The following ZBTB47 variants were observed in gnomAD, a reference collection of about 807,000 sequenced individuals.
ZBTB47 encodes the protein zinc finger and BTB domain-containing protein 47.
A neutral mutation model predicts 56.6 loss-of-function variants in ZBTB47; 24 were observed. The observed-to-expected ratio is 0.42, with a 90% CI of 0.31 to 0.60. The LOEUF (loss-of-function observed/expected upper bound fraction) is 0.60, where lower values mean the gene tolerates loss of function less well. ZBTB47 is among the 20% of genes least tolerant of loss of function. The pLI is 0.14. For synonymous variants in ZBTB47, 414 were observed against 418.9 expected, an observed-to-expected ratio of 0.99 and a Z score of 0.14; for missense variants, 829 against 1,032.6, an observed-to-expected ratio of 0.80 and a Z score of 2.70.
In ZBTB47 at chr3:42,666,190, G is replaced by C. The variant is rs1413331953; in HGVS notation, c.*1592G>C. Reference sequence around the variant, plus strand: ...GGCCCAAGGTGCCCGAGTGATCTGAGGATTTATAATCCAAGCCACACCACC... The same window carrying C: ...GGCCCAAGGTGCCCGAGTGATCTGACGATTTATAATCCAAGCCACACCACC... On this transcript the variant is annotated 3_prime_UTR_variant, in exon 6 of 6. Transcript: ENST00000232974. 6.6e-6 allele frequency among the ~76,000 whole-genome samples: 1 copy of C among 152,252 alleles called. No homozygotes were observed. Among genetic ancestry groups the C allele is most frequent in the Admixed American group, 6.5e-5 (1 of 15,288 alleles).
At chr3:42,658,016 C>T (rs934557379) in intron 1 of ZBTB47, among the ~76,000 whole-genome samples, 7 of 152,208 alleles carry the variant, frequency 4.6e-5, no homozygotes, top group Non-Finnish European at 1.0e-4. Flanking sequence ...TTCCCATTTC[C>T]CAGGAGATGA....
intron 1 of ZBTB47, 45 bp from the exon 2 acceptor site, chr3:42,658,230 G>C (rs1710660961): frequency 2.8e-6 from 4 of 1,435,456 alleles, no homozygotes; most frequent in Non-Finnish European, 3.6e-6. Context: ...GGGCGGGCAG[G>C]GGCCCACTGG....
rs545752417 is a variant in ZBTB47, at chr3:42,656,854, C to T, written c.-81-1421C>T. Among the ~76,000 whole-genome samples, 38 of 152,256 alleles carry T rather than the reference C, an allele frequency of 2.5e-4. No homozygotes were observed. Among genetic ancestry groups the T allele is most frequent in the African/African-American group, 8.2e-4 (34 of 41,548 alleles). ...GAAGGCCTGGCATGGGGAAGGGGGGCGGTAGGCTGTGGATGGATGGGGCCA... is the reference window on the plus strand; with the variant it reads ...GAAGGCCTGGCATGGGGAAGGGGGGTGGTAGGCTGTGGATGGATGGGGCCA... On this transcript the variant is annotated intron_variant, in intron 1 of 5. Transcript: ENST00000232974. The surrounding 1 kb of genome is among the most constrained non-coding windows in gnomAD (Gnocchi z 5.8).
Position 42,659,629 on chromosome 3 carries a change from G to A in ZBTB47, c.1274G>A (p.Gly425Glu), listed in dbSNP as rs371950953. 3.7e-5 allele frequency: 60 copies of A among 1,611,148 alleles called. No homozygotes were observed. The highest frequency in any genetic ancestry group is 4.9e-5 in the Non-Finnish European group (58 of 1,178,908). Residue 425 changes from glycine to glutamate, a missense_variant, in exon 2 of 6, where the codon GGG (glycine) becomes GAG (glutamate). Around this residue, in one of 6 missense-constraint regions of ZBTB47, gnomAD observed 187 missense variants for 253.1 expected, o/e 0.74. Transcript: ENST00000232974. ...GGGCCGCCAGCCACTGATGGGCTGGGGGCCAAGGTGAAGCTGGAGGAGAAG... is the reference window on the plus strand; with the variant it reads ...GGGCCGCCAGCCACTGATGGGCTGGAGGCCAAGGTGAAGCTGGAGGAGAAG... Reference protein sequence around the residue: ...ARGPPATDGLGAKVKLEEKQH... With the variant: ...ARGPPATDGLEAKVKLEEKQH...
At position 42,656,016 on chromosome 3, in the gene ZBTB47, G is replaced by A. The variant is rs1710637588; in HGVS notation, c.-82+2133G>A. 6.6e-6 allele frequency among the ~76,000 whole-genome samples: 1 copy of A among 152,232 alleles called. No individual in the cohort carries two copies. The highest frequency in any genetic ancestry group is 2.4e-5 in the African/African-American group (1 of 41,462). ...TGGGCAGTGGAGGGCATTCCATAAA[G>A]GGAGAGCAGAGAGATCTGGGGCTCT... On this transcript the variant is annotated intron_variant, in intron 1 of 5. Coordinates refer to ENST00000232974, the MANE Select transcript of ZBTB47 (RefSeq NM_145166.4). The surrounding 1 kb of genome is among the most constrained non-coding windows in gnomAD (Gnocchi z 5.8).
At chr3:42,661,340 C>A in intron 2 of ZBTB47, 145 bp from the exon 3 acceptor site, 1 of 858,212 alleles carries the variant, frequency 1.2e-6, no homozygotes, top group Non-Finnish European at 1.8e-6. Context: ...ACCTTAGAAA[C>A]ATCAGAGCTG....
chr3:42,655,138 C>T (rs1710625250), intron 1 of ZBTB47, among the ~76,000 whole-genome samples: 2 of 152,176 alleles, frequency 1.3e-5, no homozygotes, highest in African/African-American at 2.4e-5. Context: ...CCTGTGTGAC[C>T]TTGGGCAGAT....
intron 1 of ZBTB47, among the ~76,000 whole-genome samples, chr3:42,655,054 C>G (rs899134865): frequency 2.0e-5 from 3 of 152,060 alleles, no homozygotes. Context: ...GGCGCTGGAG[C>G]CGCCCTGCCT....
rs3733058 is a variant in ZBTB47, at chr3:42,659,786, G to A, written c.1431G>A (p.Glu477=). The A allele has an allele frequency of 4.7e-4, 763 of 1,613,198 alleles. 7 individuals carry two copies. The East Asian group carries it at 0.016, about 34-fold the overall frequency. ...QCGKRFLLES[E]LLLHRQTDCE... ...GCAAGCGCTTCCTGCTGGAGAGCGAGCTGCTGCTGCACAGGCAGACAGACT... is the reference window on the plus strand; with the variant it reads ...GCAAGCGCTTCCTGCTGGAGAGCGAACTGCTGCTGCACAGGCAGACAGACT... Residue 477 remains glutamate (E), a synonymous_variant, in exon 2 of 6, where the codon GAG becomes GAA. Coordinates refer to ENST00000232974, the MANE Select transcript of ZBTB47 (RefSeq NM_145166.4).
rs946264651 is a variant in ZBTB47, at chr3:42,664,570, C to T, written c.2216C>T (p.Pro739Leu). Residue 739 changes from proline (P) to leucine (L), a missense_variant, in exon 6 of 6, where the codon CCC (proline) becomes CTC (leucine). Around this residue, in one of 6 missense-constraint regions of ZBTB47, gnomAD observed 115 missense variants for 117.2 expected, o/e 0.98. Coordinates refer to ENST00000232974, the MANE Select transcript of ZBTB47 (RefSeq NM_145166.4). ...CCGCTCTTCCCCACCACTGCCAGCC[C>T]CGGCGGGAGGATGAACGCCAACAAC... ...PPPLFPTTAS[P>L]GGRMNANN is the part of the protein sequence containing the mutation. 2 of 1,418,816 alleles carry T rather than the reference C, an allele frequency of 1.4e-6. No individual in the cohort carries two copies. The highest frequency in any genetic ancestry group is 6.7e-5 in the Admixed American group (2 of 29,752). The allele number at this position is 1,418,816 out of a possible 1,614,324, so 87.9% of individuals were successfully genotyped here. A position where few individuals can be genotyped will look rare whatever the true frequency, so the allele number is the denominator to read the frequency against.
chr3:42,658,517 T>A lies in ZBTB47; in HGVS notation c.162T>A (p.Arg54=). ...TCACCCAGAACAAGCAGCTGCAGCG[T>A]GTGGAGCTGTCCCTGGAGGCACTGG... The part of the protein sequence containing the change: ...SLFTQNKQLQ[R]VELSLEALAP... Residue 54 remains arginine, a synonymous_variant, in exon 2 of 6, where the codon CGT becomes CGA. Transcript: ENST00000232974. The A allele has an allele frequency of 6.5e-7, 1 of 1,537,186 alleles. No homozygotes were observed. Among genetic ancestry groups the A allele is most frequent in the Middle Eastern group, 1.7e-4 (1 of 5,990 alleles).
In ZBTB47 at chr3:42,658,960, G is replaced by T; in HGVS notation, c.605G>T (p.Gly202Val). 1 of 1,506,196 alleles carries T rather than the reference G, an allele frequency of 6.6e-7. No homozygotes were observed. The allele number at this position is 1,506,196 out of a possible 1,614,324, so 93.3% of individuals were successfully genotyped here. A position where few individuals can be genotyped will look rare whatever the true frequency, so the allele number is the denominator to read the frequency against. The change falls in exon 2 of 6, where the codon GGG (glycine) becomes GTG (valine). Residue 202 changes from glycine to valine, a missense_variant. Transcript: ENST00000232974. The stretch of plus-strand genomic sequence containing the variant: ...GAGGGTGGTGTCGAGGAGGCCGGTG[G>T]GCCCCCAGCCAGCTTGTGCAAGCTG... The part of the protein sequence containing the change: ...EKEGGVEEAG[G>V]PPASLCKLEG...
In ZBTB47 at chr3:42,664,510, C is replaced by A; in HGVS notation, c.2156C>A (p.Thr719Asn). 3 of 1,434,308 alleles carry A rather than the reference C, an allele frequency of 2.1e-6. No homozygotes were observed. The highest frequency in any genetic ancestry group is 2.7e-6 in the Non-Finnish European group (3 of 1,102,198). The allele number at this position is 1,434,308 out of a possible 1,614,324, so 88.8% of individuals were successfully genotyped here. A position where few individuals can be genotyped will look rare whatever the true frequency, so the allele number is the denominator to read the frequency against. Residue 719 changes from threonine (T) to asparagine (N), a missense_variant, in exon 6 of 6, where the codon ACC becomes AAC. Coordinates refer to ENST00000232974, the MANE Select transcript of ZBTB47 (RefSeq NM_145166.4). ...CCCCTGCTCCCGGGGCTGCCCCAGA[C>A]CCTGCCGCCCCCGCCCCACCTGCCG... The part of the protein sequence containing the change: ...ALPLLPGLPQ[T>N]LPPPPHLPPP...
Position 42,654,652 on chromosome 3 carries a change from C to T in ZBTB47, c.-82+769C>T. ...CCTGGCCTGGCCGCCGGGGGCAGCG[C>T]GATCCCGCGGGGCCCTGTGAGCCCC... On this transcript the variant is annotated intron_variant, in intron 1 of 5. Transcript: ENST00000232974. This position sits in a 1 kb window ranked among gnomAD's most constrained non-coding sequence, Gnocchi z 5.0. The T allele has an allele frequency of 1.0e-6, 1 of 984,532 alleles. No homozygotes were observed. The highest frequency in any genetic ancestry group is 1.2e-6 in the Non-Finnish European group (1 of 829,538). The allele number at this position is 984,532 out of a possible 1,614,324, so 61.0% of individuals were successfully genotyped here. A position where few individuals can be genotyped will look rare whatever the true frequency, so the allele number is the denominator to read the frequency against.
rs1171172413 is a variant in ZBTB47 at position 42,659,683 on chromosome 3, G to A, written c.1328G>A (p.Arg443Gln). 2.5e-6 allele frequency: 4 copies of A among 1,612,962 alleles called. No individual in the cohort carries two copies. Among genetic ancestry groups the A allele is most frequent in the African/African-American group, 1.3e-5 (1 of 74,916 alleles). Reference protein sequence around the residue: ...KQHHPCQKCPRVFNNRWYLEK... With the variant: ...KQHHPCQKCPQVFNNRWYLEK... ...CACCATCCATGCCAGAAGTGCCCAC[G>A]AGTTTTCAACAACCGCTGGTACCTG... Residue 443 changes from arginine to glutamine, a missense_variant, in exon 2 of 6, where the codon CGA becomes CAA. By Grantham distance (43) the Arg-to-Gln change is conservative. This residue lies in a region of ZBTB47 where 187 missense variants were observed against 253.1 expected (regional missense o/e 0.74). Coordinates refer to ENST00000232974, the MANE Select transcript of ZBTB47 (RefSeq NM_145166.4).
At position 42,659,389 on chromosome 3, in the gene ZBTB47, CTGAGGA is replaced by C; in HGVS notation, c.1035_1040del (p.Glu348_Glu349del). ...CCTAGTGAGCAGGATCAAGAGAGCT[CTGAGGA>C]GGAGGAGGGGGAGGAGGGGGAGGCT... On this transcript the variant is annotated inframe_deletion, in exon 2 of 6. Transcript: ENST00000232974. 9.3e-7 allele frequency: 1 copy of C among 1,080,768 alleles called. No homozygotes were observed. Among genetic ancestry groups the C allele is most frequent in the Non-Finnish European group, 1.1e-6 (1 of 877,916 alleles). The allele number at this position is 1,080,768 out of a possible 1,614,324, so 66.9% of individuals were successfully genotyped here.
chr3:42,661,618 G>A lies in ZBTB47; in HGVS notation c.1607G>A (p.Arg536His). The A allele has an allele frequency of 1.9e-6, 3 of 1,613,966 alleles. No individual in the cohort carries two copies. Among genetic ancestry groups the A allele is most frequent in the Non-Finnish European group, 1.7e-6 (2 of 1,179,872 alleles). The change falls in exon 3 of 6, where the codon CGT becomes CAT. Residue 536 changes from arginine (R) to histidine (H), a missense_variant. Physicochemically the swap from Arg to His is conservative, Grantham distance 29 (BLOSUM62 0). This residue lies in a region of ZBTB47 where 187 missense variants were observed against 253.1 expected (regional missense o/e 0.74). Transcript: ENST00000232974. ...AAGTTCTACACCATGGCCCACGTGC[G>A]TAAGCACATGGTTGGTAAGTCTGGG... ...EKKFYTMAHV[R>H]KHMVAHTKDM...
Position 42,664,351 on chromosome 3 carries a change from G to T in ZBTB47, c.1997G>T (p.Gly666Val), listed in dbSNP as rs749581589. The change falls in exon 6 of 6, where the codon GGC (glycine) becomes GTC (valine). Residue 666 changes from glycine (G) to valine (V), a missense_variant. Around this residue, in one of 6 missense-constraint regions of ZBTB47, gnomAD observed 44 missense variants for 76.7 expected, o/e 0.57. Coordinates refer to ENST00000232974, the MANE Select transcript of ZBTB47 (RefSeq NM_145166.4). The part of the protein sequence containing the change: ...GEKPYPCDVC[G>V]QRFRFSNMLK... ...AAGCCGTACCCGTGCGACGTGTGTG[G>T]CCAGCGCTTCCGCTTCTCCAACATG... 1 of 1,612,438 alleles carries T rather than the reference G, an allele frequency of 6.2e-7. No individual in the cohort carries two copies. The highest frequency in any genetic ancestry group is 8.5e-7 in the Non-Finnish European group (1 of 1,179,400).
chr3:42,660,242 C>G (rs1330439160), intron 2 of ZBTB47, among the ~76,000 whole-genome samples: 1 of 152,196 alleles, frequency 6.6e-6, no homozygotes, highest in East Asian at 1.9e-4. Flanking sequence ...CCAGCAGGGC[C>G]ACTGTGTATA....
Sources: allele counts gnomAD v4.1 joint callset (sites outside exome capture counted in the v4.1 genomes callset), GRCh38; gene constraint gnomAD v4.1.1; regional missense constraint gnomAD v4.1.1; non-coding constraint Gnocchi (gnomAD v3.1); transcripts MANE v1.5; gene names NCBI Gene and HGNC (gene_info 2026-07-23, HGNC 2026-07-21).